IL1RAPL2: variants seen among roughly 807,000 people sequenced by gnomAD.
IL1RAPL2 encodes interleukin 1 receptor accessory protein like 2.
A neutral mutation model predicts 44.1 loss-of-function variants in IL1RAPL2; 3 were observed. That is an observed-to-expected ratio of 0.07 (90% CI 0.03 to 0.18). The LOEUF (loss-of-function observed/expected upper bound fraction) is 0.18, where lower values mean the gene tolerates loss of function less well. Ranked by LOEUF, IL1RAPL2 falls within the 10% of genes least tolerant of loss-of-function variation. The probability of loss-of-function intolerance (pLI) is 1.00; values close to 1 mark genes in which losing one functional copy is unlikely to be tolerated. For missense variants in IL1RAPL2, 391 were observed against 496.4 expected (o/e 0.79, Z 2.02); for synonymous variants, 181 against 178.8 (o/e 1.01, Z -0.10).
chrX:105,439,543 G>T (rs1222997502), intron 5 of IL1RAPL2, among the ~76,000 whole-genome samples: 2 of 108,694 alleles, frequency 1.8e-5, no homozygotes, highest in African/African-American at 6.7e-5. Context: ...AAAAAAATGG[G>T]GTAAGGAAAA....
chrX:105,126,986 A>G (rs1259135465), intron 2 of IL1RAPL2, among the ~76,000 whole-genome samples: 1 of 111,128 alleles, frequency 9.0e-6, no homozygotes, highest in Non-Finnish European at 1.9e-5. Flanking sequence ...AGAAATGTTG[A>G]GAGTTGGAAA....
intron 1 of IL1RAPL2, among the ~76,000 whole-genome samples, chrX:104,627,366 G>T (rs909451936): frequency 1.6e-4 from 17 of 104,706 alleles, no homozygotes; most frequent in African/African-American, 4.9e-4. Flanking sequence ...AAAGCATTAG[G>T]AGATATACCT....
chrX:105,440,627 A>G (rs939028344), intron 5 of IL1RAPL2, among the ~76,000 whole-genome samples: 2 of 112,375 alleles, frequency 1.8e-5, no homozygotes, highest in African/African-American at 3.2e-5. Context: ...AGAGAAAAAT[A>G]TCACCAACTG....
At chrX:105,347,425 G>A (rs771818435) in intron 5 of IL1RAPL2, among the ~76,000 whole-genome samples, 2 of 111,272 alleles carry the variant, frequency 1.8e-5, no homozygotes, top group African/African-American at 6.6e-5. Context: ...TTTGCCTGGA[G>A]GATTAAGCAA....
chrX:105,119,890 A>G (rs1014949231), intron 2 of IL1RAPL2, among the ~76,000 whole-genome samples: 2 of 110,940 alleles, frequency 1.8e-5, no homozygotes, highest in African/African-American at 3.3e-5. Context: ...TTAGTATAGT[A>G]ATTAAAACAG....
intron 2 of IL1RAPL2, among the ~76,000 whole-genome samples, chrX:104,681,374 G>T (rs1173493928): frequency 8.9e-6 from 1 of 112,068 alleles, no homozygotes; most frequent in Non-Finnish European, 1.9e-5. Flanking sequence ...AGGGTCAATA[G>T]GTAAATGTGT....
chrX:104,840,039 A>G (rs1921859444), intron 2 of IL1RAPL2, among the ~76,000 whole-genome samples: 1 of 110,280 alleles, frequency 9.1e-6, no homozygotes, highest in Non-Finnish European at 1.9e-5. Context: ...GATTTTTTGG[A>G]ATACTTTTTG....
intron 2 of IL1RAPL2, among the ~76,000 whole-genome samples, chrX:104,823,872 C>T (rs1186565745): frequency 8.9e-6 from 1 of 111,824 alleles, no homozygotes; most frequent in Non-Finnish European, 1.9e-5. Context: ...ATTTGCATAC[C>T]GTTTATTTCT....
intron 2 of IL1RAPL2, among the ~76,000 whole-genome samples, chrX:104,801,422 C>T (rs1932884447): frequency 1.1e-5 from 1 of 90,788 alleles, no homozygotes; most frequent in Admixed American, 1.3e-4. Flanking sequence ...TCCTTATCGA[C>T]TTGAGCATTT....
At chrX:105,575,178 T>A (rs2037041648) in intron 6 of IL1RAPL2, among the ~76,000 whole-genome samples, 1 of 112,115 alleles carries the variant, frequency 8.9e-6, no homozygotes, top group African/African-American at 3.2e-5. Flanking sequence ...ATTTTTTAAT[T>A]TCCTTTTTTA....
At chrX:105,264,496 G>A (rs187729004) in intron 4 of IL1RAPL2, among the ~76,000 whole-genome samples, 26 of 111,503 alleles carry the variant, frequency 2.3e-4, no homozygotes, top group Admixed American at 1.8e-3. Flanking sequence ...GGGAGAAAGA[G>A]TGCCAATAAT....
intron 6 of IL1RAPL2, among the ~76,000 whole-genome samples, chrX:105,630,182 C>A (rs2037481925): frequency 2.7e-5 from 3 of 111,434 alleles, no homozygotes; most frequent in African/African-American, 9.8e-5. Flanking sequence ...CCCCTCTTGG[C>A]CCTCTGTTTA....
chrX:105,668,654 A>T, intron 6 of IL1RAPL2, among the ~76,000 whole-genome samples: 1 of 112,188 alleles, frequency 8.9e-6, no homozygotes, highest in Middle Eastern at 4.7e-3. Flanking sequence ...TTATATTGGG[A>T]TGTGTGAATA....
chrX:105,172,461 C>G (rs1281932961), intron 2 of IL1RAPL2, among the ~76,000 whole-genome samples: 1 of 111,721 alleles, frequency 9.0e-6, no homozygotes, highest in Non-Finnish European at 1.9e-5. Flanking sequence ...ACTCCACTAC[C>G]AAGCTCATTC....
chrX:105,243,935 CAGTT>C (rs1467946705), intron 4 of IL1RAPL2, among the ~76,000 whole-genome samples: 1 of 111,250 alleles, frequency 9.0e-6, no homozygotes, highest in Non-Finnish European at 1.9e-5. Context: ...TTTTAAAAAT[CAGTT>C]AGTTGCTTAA....
rs1443565943 is a variant in IL1RAPL2 at position 104,611,258 on chromosome X, A to G, written c.-20+44207A>G. ...TTAAGTCTTCAGAAGCTGTGCCCAC[A>G]GAGCACCTTCCCCCAGGTGCTCTGT... On this transcript the variant is annotated intron_variant, in intron 1 of 10. Transcript: ENST00000372582. 4.5e-5 allele frequency among the ~76,000 whole-genome samples: 5 copies of G among 111,456 alleles called. No individual in the cohort carries two copies. The East Asian group carries it at 1.4e-3, about 32-fold the overall frequency.
chrX:104,670,525 T>C (rs1046596136), intron 2 of IL1RAPL2, among the ~76,000 whole-genome samples: 7 of 111,570 alleles, frequency 6.3e-5, no homozygotes, highest in African/African-American at 2.3e-4. Context: ...ACCAGCCATC[T>C]GGCGTCCTTC....
intron 2 of IL1RAPL2, among the ~76,000 whole-genome samples, chrX:104,874,743 G>T (rs1162982786): frequency 3.6e-5 from 4 of 111,397 alleles, no homozygotes; most frequent in Non-Finnish European, 5.7e-5. Context: ...TAATGTTTTA[G>T]TGCACTGAGG....
intron 5 of IL1RAPL2, among the ~76,000 whole-genome samples, chrX:105,296,525 TG>T (rs2034655815): frequency 8.9e-6 from 1 of 112,781 alleles, no homozygotes; most frequent in Admixed American, 9.4e-5. Flanking sequence ...ATGGTCACTA[TG>T]CAGCTGCCAA....
Sources: gnomAD v4.1 joint callset for allele counts (sites outside exome capture counted in the v4.1 genomes callset) on GRCh38, gnomAD v4.1.1 for gene constraint, MANE v1.5 for transcripts, NCBI Gene and HGNC (gene_info 2026-07-23, HGNC 2026-07-21) for gene names.